The following RBPJ variants were observed in gnomAD, a reference collection of about 807,000 sequenced individuals.
RBPJ encodes recombination signal binding protein for immunoglobulin kappa J region, also known as recombining binding protein suppressor of hairless.
In RBPJ, 9 loss-of-function variants were observed where a neutral mutation model predicts 67.8. The ratio of observed to expected loss-of-function variants is 0.13; its 90% confidence interval spans 0.08 to 0.23. The LOEUF is 0.23. Ranked by LOEUF, RBPJ falls within the 10% of genes least tolerant of loss-of-function variation. RBPJ has a pLI of 1.00. For missense variants in RBPJ, 305 were observed against 595.6 expected (o/e 0.51, Z 5.08); for synonymous variants, 198 against 203.3 (o/e 0.97, Z 0.22).
At chr4:26,364,152 A>G (rs1050981897) in intron 1 of RBPJ, among the ~76,000 whole-genome samples, 6 of 152,240 alleles carry the variant, frequency 3.9e-5, no homozygotes, top group African/African-American at 9.6e-5. Context: ...ATAGAAATAC[A>G]CTGGTATAGT....
chr4:26,236,559 C>T (rs934557581), intron 1 of RBPJ, among the ~76,000 whole-genome samples: 18 of 152,188 alleles, frequency 1.2e-4, no homozygotes, highest in Non-Finnish European at 5.9e-5. Flanking sequence ...CACATGGGCT[C>T]TCCACAGTAC....
intron 1 of RBPJ, among the ~76,000 whole-genome samples, chr4:26,382,152 T>G (rs1341279724): frequency 6.6e-6 from 1 of 152,208 alleles, no homozygotes; most frequent in Non-Finnish European, 1.5e-5. Context: ...TCAACAAGAT[T>G]ATGTCAGTAG....
intron 3 of RBPJ, among the ~76,000 whole-genome samples, chr4:26,411,669 G>C (rs932887690): frequency 6.6e-6 from 1 of 151,550 alleles, no homozygotes; most frequent in Admixed American, 6.6e-5. Flanking sequence ...ATAGAACCTT[G>C]GTCAGTGTTT....
rs111734166 is a variant in RBPJ, at chr4:26,308,513, A to C, written c.-166-53933A>C. On this transcript the variant is annotated intron_variant, in intron 1 of 4. Coordinates refer to the RBPJ transcript ENST00000512351. ...AATAACATTTTAAAAAATTAATTAGAATAAAAATTGTTAACCTAATTACAG... is the reference window on the plus strand; with the variant it reads ...AATAACATTTTAAAAAATTAATTAGCATAAAAATTGTTAACCTAATTACAG... Among the ~76,000 whole-genome samples the C allele has an allele frequency of 7.4e-3, 1,126 of 152,348 alleles. 13 individuals carry two copies. The highest frequency in any genetic ancestry group is 0.025 in the African/African-American group (1,057 of 41,576).
intron 3 of RBPJ, among the ~76,000 whole-genome samples, chr4:26,407,883 C>CTTTTTTTTTTTTTTTTTT (rs61575988): frequency 1.6e-5 from 1 of 63,622 alleles, no homozygotes; most frequent in African/African-American, 6.6e-5. Context: ...AGCTTTCTTT[C>CTTTTTTTTTTTTTTTTTT]TTTTTTTTTT....
intron 1 of RBPJ, among the ~76,000 whole-genome samples, chr4:26,219,177 T>G (rs754961520): frequency 6.6e-6 from 1 of 152,180 alleles, no homozygotes. Context: ...TGGGGTCAGA[T>G]GGAGGGAGAA....
chr4:26,238,473 A>T (rs1719523143), intron 1 of RBPJ, among the ~76,000 whole-genome samples: 1 of 152,248 alleles, frequency 6.6e-6, no homozygotes, highest in African/African-American at 2.4e-5. Context: ...AGAAGGAAGT[A>T]TGGAAAGTGT....
chr4:26,408,059 G>C (rs1733640416), intron 3 of RBPJ, among the ~76,000 whole-genome samples: 2 of 151,742 alleles, frequency 1.3e-5, no homozygotes, highest in South Asian at 4.2e-4. Flanking sequence ...ATTTTTTATA[G>C]AGACGGGGTT....
At position 26,338,430 on chromosome 4, in the gene RBPJ, G is replaced by T. The variant is rs1190218810; in HGVS notation, c.20+17382G>T. ...TGGCCTCCCAAAGTGCTGGGATTACGGGTGTGAGCCACTGCGCCCGGCCTC... is the reference window on the plus strand; with the variant it reads ...TGGCCTCCCAAAGTGCTGGGATTACTGGTGTGAGCCACTGCGCCCGGCCTC... On this transcript the variant is annotated intron_variant, in intron 1 of 10. Coordinates refer to ENST00000355476, the MANE Select transcript of RBPJ (RefSeq NM_015874.6). Among the ~76,000 whole-genome samples the T allele has an allele frequency of 5.4e-5, 8 of 149,182 alleles. 1 individual carries two copies. The South Asian group carries it at 1.7e-3, about 32-fold the overall frequency.
At chr4:26,160,608 G>C, upstream of RBPJ, among the ~76,000 whole-genome samples, 1 of 152,274 alleles carries the variant, frequency 6.6e-6, no homozygotes, top group Middle Eastern at 3.4e-3. Context: ...ACATGTCCAC[G>C]GCGTGGTAGG....
At chr4:26,232,682 A>G (rs766176869) in intron 1 of RBPJ, among the ~76,000 whole-genome samples, 1 of 152,220 alleles carries the variant, frequency 6.6e-6, no homozygotes, top group Non-Finnish European at 1.5e-5. Context: ...TTTACTGAGC[A>G]CTTACTATGT....
At chr4:26,303,346 A>G (rs1284824755) in intron 1 of RBPJ, among the ~76,000 whole-genome samples, 1 of 147,008 alleles carries the variant, frequency 6.8e-6, no homozygotes, top group Non-Finnish European at 1.5e-5. Flanking sequence ...AGTGGCCTAC[A>G]TCTGTAATCC....
At chr4:26,356,859 T>C (rs1032798188) in intron 1 of RBPJ, among the ~76,000 whole-genome samples, 2 of 152,250 alleles carry the variant, frequency 1.3e-5, no homozygotes, top group African/African-American at 2.4e-5. Flanking sequence ...ATACTTTTGA[T>C]AGATACTGCC....
At chr4:26,277,014 C>T (rs750401420) in intron 1 of RBPJ, among the ~76,000 whole-genome samples, 11 of 151,798 alleles carry the variant, frequency 7.2e-5, no homozygotes, top group African/African-American at 2.2e-4. Context: ...AGGAGAATCA[C>T]GCTCGCCTAT....
chr4:26,168,189 A>T (rs1716397776), intron 1 of RBPJ, among the ~76,000 whole-genome samples: 1 of 152,114 alleles, frequency 6.6e-6, no homozygotes, highest in Admixed American at 6.5e-5. Flanking sequence ...ACATTTTGGC[A>T]TGATTTTGCA....
intron 1 of RBPJ, among the ~76,000 whole-genome samples, chr4:26,371,516 T>G (rs1729159536): frequency 8.3e-6 from 1 of 119,816 alleles, no homozygotes; most frequent in Non-Finnish European, 1.7e-5. Flanking sequence ...CAGTTTATTG[T>G]GGAAACTAGT....
the RBPJ span, among the ~76,000 whole-genome samples, chr4:26,110,940 G>A: frequency 1.3e-5 from 2 of 152,182 alleles, no homozygotes; most frequent in Non-Finnish European, 2.9e-5. This position sits in a 1 kb window ranked among gnomAD's most constrained non-coding sequence, Gnocchi z 4.5. Flanking sequence ...ATTTTGTTAA[G>A]TCACTAATGC....
At chr4:26,286,628 T>C (rs1007440923) in intron 1 of RBPJ, among the ~76,000 whole-genome samples, 7 of 152,106 alleles carry the variant, frequency 4.6e-5, no homozygotes, top group African/African-American at 1.4e-4. Context: ...TCTTACCAGA[T>C]TGGGGGAACT....
chr4:26,305,500 CAAT>C (rs1722203562), intron 1 of RBPJ, among the ~76,000 whole-genome samples: 1 of 152,096 alleles, frequency 6.6e-6, no homozygotes, highest in South Asian at 2.1e-4. Flanking sequence ...TTTCTTTCAA[CAAT>C]GTTTTGTAGA....
Sources: allele counts gnomAD v4.1 joint callset (sites outside exome capture counted in the v4.1 genomes callset), GRCh38; gene constraint gnomAD v4.1.1; non-coding constraint Gnocchi (gnomAD v3.1); transcripts MANE v1.5; gene names NCBI Gene and HGNC (gene_info 2026-07-23, HGNC 2026-07-21).